Variants in USP19 observed in about 807,000 individuals in gnomAD.
USP19 encodes the protein ubiquitin specific peptidase 19.
Under a neutral mutation model 144.8 loss-of-function variants are expected in USP19, and 40 were observed. That is an observed-to-expected ratio of 0.28 (90% confidence interval 0.21 to 0.36). USP19 has a LOEUF of 0.36. USP19 is among the 10% of genes least tolerant of loss of function. USP19 has a pLI of 1.00. For synonymous variants in USP19, 701 were observed against 709.3 expected (o/e 0.99, Z 0.19); for missense variants, 1,518 against 1,822.5 (o/e 0.83, Z 3.04).
chr3:49,113,762 A>G (rs1306706174), intron 17 of USP19, among the ~76,000 whole-genome samples: 1 of 151,956 alleles, frequency 6.6e-6, no homozygotes, highest in Non-Finnish European at 1.5e-5. Flanking sequence ...ATGCCCAGCT[A>G]ATTTTATTTC....
At position 49,116,908 on chromosome 3, in the gene USP19, C is replaced by A; in HGVS notation, c.945G>T (p.Leu315=). The stretch of plus-strand genomic sequence containing the variant: ...AGCCCAGGAGGCAGGTTTGGGAGTT[C>A]AGCGGTGGTATGCAAAGCTGTTCAT... ...EADEQLCIPP[L]NSQTCLLGSE... is the part of the protein sequence containing the mutation. Residue 315 remains leucine, a synonymous_variant, in exon 7 of 27, where the codon CTG becomes CTT. Coordinates refer to ENST00000417901, the MANE Select transcript of USP19 (RefSeq NM_001199161.2). The surrounding 1 kb of genome is among the most constrained non-coding windows in gnomAD (Gnocchi z 5.0). 6.2e-7 allele frequency: 1 copy of A among 1,614,054 alleles called. No individual in the cohort carries two copies. The highest frequency in any genetic ancestry group is 1.7e-5 in the Admixed American group (1 of 60,022).
In USP19 at chr3:49,118,117, G is replaced by T; in HGVS notation, c.128C>A (p.Thr43Lys). The T allele has an allele frequency of 8.0e-7, 1 of 1,243,568 alleles. No homozygotes were observed. The highest frequency in any genetic ancestry group is 1.1e-6 in the Non-Finnish European group (1 of 890,684). The allele number at this position is 1,243,568 out of a possible 1,614,324, so 77.0% of individuals were successfully genotyped here. ...ESKDGDPRKE[T>K]GSRYVAQAGL... ...AGCCTGGGCAACATATCGAGACCCT[G>T]TCTCTAAAAAAAAAATAAGAAAAAT... The change falls in exon 3 of 27, where the codon ACA becomes AAA. Residue 43 changes from threonine (T) to lysine (K), a missense_variant. Physicochemically the swap from Thr to Lys is moderately conservative, Grantham distance 78. Transcript: ENST00000417901.
Position 49,117,067 on chromosome 3 carries a change from C to A in USP19, c.901G>T (p.Ala301Ser). 1 of 1,516,852 alleles carries A rather than the reference C, an allele frequency of 6.6e-7. No individual in the cohort carries two copies. Among genetic ancestry groups the A allele is most frequent in the South Asian group, 1.2e-5 (1 of 81,050 alleles). The allele number at this position is 1,516,852 out of a possible 1,614,324, so 94.0% of individuals were successfully genotyped here. Residue 301 changes from alanine (A) to serine (S), a missense_variant, in exon 6 of 27, where the codon GCC becomes TCC. This residue lies in a region of USP19 where 707 missense variants were observed against 728.9 expected (regional missense o/e 0.97). Transcript: ENST00000417901. The surrounding 1 kb of genome is among the most constrained non-coding windows in gnomAD (Gnocchi z 4.4). ...GDAPPFVADP[A>S]TQVEADEQLC... ...AGGTGCCCAGCTCTCACCTGGGTGG[C>A]TGGGTCAGCCACGAAGGGTGGGGCA...
At position 49,115,307 on chromosome 3, in the gene USP19, C is replaced by T. The variant is rs998900096; in HGVS notation, c.1943G>A (p.Arg648His). 1.9e-6 allele frequency: 3 copies of T among 1,614,058 alleles called. No homozygotes were observed. Among genetic ancestry groups the T allele is most frequent in the Admixed American group, 1.7e-5 (1 of 60,006 alleles). The stretch of plus-strand genomic sequence containing the variant: ...CAGCACGGCAAAGCCAATGGCCAGA[C>T]GCCCACCAGTCCCTAGTGGGTTGTT... ...NYNNPLGTGG[R>H]LAIGFAVLLR... is the part of the protein sequence containing the mutation. The change falls in exon 13 of 27, where the codon CGT (arginine) becomes CAT (histidine). Residue 648 changes from arginine to histidine, a missense_variant. By Grantham distance (29) the Arg-to-His change is conservative. Around this residue, in one of 5 missense-constraint regions of USP19, gnomAD observed 158 missense variants for 277.3 expected, o/e 0.57. Transcript: ENST00000417901. The surrounding 1 kb of genome is among the most constrained non-coding windows in gnomAD (Gnocchi z 6.6).
At position 49,119,095 on chromosome 3, in the gene USP19, C is replaced by G. The variant is rs748519807; in HGVS notation, c.51G>C (p.Leu17=). ...ATGPRRGPPG[L]EDTTSKKKQK... is the part of the protein sequence containing the mutation. ...GCTTCTTCTTACTAGTGGTGTCCTC[C>G]AGTCCTGGGGGCCCTCTCCTTGGGC... Residue 17 remains leucine (L), a synonymous_variant, in exon 2 of 27, where the codon CTG becomes CTC. Coordinates refer to ENST00000417901, the MANE Select transcript of USP19 (RefSeq NM_001199161.2). The G allele has an allele frequency of 6.2e-7, 1 of 1,614,116 alleles. No individual in the cohort carries two copies. Among genetic ancestry groups the G allele is most frequent in the South Asian group, 1.1e-5 (1 of 91,078 alleles).
rs746885801 is a variant in USP19, at chr3:49,114,896, C to T, written c.2182-23G>A. 6.2e-6 allele frequency: 10 copies of T among 1,614,174 alleles called. No homozygotes were observed. The highest frequency in any genetic ancestry group is 6.8e-6 in the Non-Finnish European group (8 of 1,180,026). On this transcript the variant is annotated intron_variant, in intron 14 of 26. Coordinates refer to ENST00000417901, the MANE Select transcript of USP19 (RefSeq NM_001199161.2). The surrounding 1 kb of genome is among the most constrained non-coding windows in gnomAD (Gnocchi z 4.5). ...CACCTGAGAGGCAGAGTGGTGAGAA[C>T]CAAAGAGTACCAGGGGCTGGGATGC... is the stretch of plus-strand genomic sequence containing the variant.
rs1024146343 is a variant in USP19 at position 49,115,298 on chromosome 3, A to G, written c.1952T>C (p.Ile651Thr). ...NPLGTGGRLA[I>T]GFAVLLRALW... ...CGCCCGAAGCAGCACGGCAAAGCCA[A>G]TGGCCAGACGCCCACCAGTCCCTAG... The change falls in exon 13 of 27, where the codon ATT becomes ACT. Residue 651 changes from isoleucine (I) to threonine (T), a missense_variant. This residue lies in a region of USP19 where 158 missense variants were observed against 277.3 expected (regional missense o/e 0.57). Coordinates refer to ENST00000417901, the MANE Select transcript of USP19 (RefSeq NM_001199161.2). This position sits in a 1 kb window ranked among gnomAD's most constrained non-coding sequence, Gnocchi z 6.6. 1 of 1,614,042 alleles carries G rather than the reference A, an allele frequency of 6.2e-7. No homozygotes were observed. The highest frequency in any genetic ancestry group is 8.5e-7 in the Non-Finnish European group (1 of 1,180,042).
At chr3:49,120,144 G>C (rs932663522) in intron 1 of USP19, among the ~76,000 whole-genome samples, 1 of 152,186 alleles carries the variant, frequency 6.6e-6, no homozygotes, top group Non-Finnish European at 1.5e-5. Flanking sequence ...ACTAGATACT[G>C]AGATGAGGCT....
Position 49,108,365 on chromosome 3 carries a change from C to A in USP19, c.*47G>T. On this transcript the variant is annotated 3_prime_UTR_variant, in exon 27 of 27. Transcript: ENST00000417901. This position sits in a 1 kb window ranked among gnomAD's most constrained non-coding sequence, Gnocchi z 4.8. ...GGAGAAGCGGCAAGGAGCTGGCCCT[C>A]TGTGTGGGTGTCCCAAACCCAGTCC... 2.8e-6 allele frequency: 2 copies of A among 714,116 alleles called. No individual in the cohort carries two copies. Among genetic ancestry groups the A allele is most frequent in the South Asian group, 2.2e-5 (1 of 44,586 alleles). The allele number at this position is 714,116 out of a possible 1,614,324, so 44.2% of individuals were successfully genotyped here.
In USP19 at chr3:49,117,295, A is replaced by G. The variant is rs1448511201; in HGVS notation, c.673T>C (p.Ser225Pro). The change falls in exon 6 of 27, where the codon TCT becomes CCT. Residue 225 changes from serine (S) to proline (P), a missense_variant. This residue lies in a region of USP19 where 707 missense variants were observed against 728.9 expected (regional missense o/e 0.97). Transcript: ENST00000417901. This position sits in a 1 kb window ranked among gnomAD's most constrained non-coding sequence, Gnocchi z 4.4. ...GGGCCTGGCTCCAGGGCAATGGGAGACAGTTCCTGCCCATTCTCCTGGCAC... is the reference window on the plus strand; with the variant it reads ...GGGCCTGGCTCCAGGGCAATGGGAGGCAGTTCCTGCCCATTCTCCTGGCAC... The part of the protein sequence containing the change: ...LRCQENGQEL[S>P]PIALEPGPEP... 2 of 1,580,932 alleles carry G rather than the reference A, an allele frequency of 1.3e-6. No homozygotes were observed. Among genetic ancestry groups the G allele is most frequent in the Admixed American group, 3.6e-5 (2 of 55,766 alleles).
In USP19 at chr3:49,111,480, A is replaced by G; in HGVS notation, c.3217+20T>C. 1.2e-6 allele frequency: 2 copies of G among 1,611,668 alleles called. No homozygotes were observed. The highest frequency in any genetic ancestry group is 1.7e-6 in the Non-Finnish European group (2 of 1,179,550). ...CCTTATCCTCCTCCCCAGCTTCTAGAGCCTTTCACTGGATCTTACCTTCGG... is the reference window on the plus strand; with the variant it reads ...CCTTATCCTCCTCCCCAGCTTCTAGGGCCTTTCACTGGATCTTACCTTCGG... On this transcript the variant is annotated intron_variant, in intron 21 of 26. Coordinates refer to ENST00000417901, the MANE Select transcript of USP19 (RefSeq NM_001199161.2). This position sits in a 1 kb window ranked among gnomAD's most constrained non-coding sequence, Gnocchi z 5.9.
In USP19 at chr3:49,112,219, G is replaced by C; in HGVS notation, c.2765+65C>G. The C allele has an allele frequency of 6.4e-7, 1 of 1,559,292 alleles. No homozygotes were observed. Among genetic ancestry groups the C allele is most frequent in the Non-Finnish European group, 8.7e-7 (1 of 1,151,594 alleles). ...TAAGCATATGTGCCTTGGTGTGAAG[G>C]GAAGGAGCAGGGTGGCACATGGAAG... is the stretch of plus-strand genomic sequence containing the variant. On this transcript the variant is annotated intron_variant, in intron 19 of 26. Transcript: ENST00000417901. This position sits in a 1 kb window ranked among gnomAD's most constrained non-coding sequence, Gnocchi z 4.9.
Position 49,108,442 on chromosome 3 carries a change from G to A in USP19, c.4125C>T (p.Pro1375=). ...CCACCTCCTCCATGTTGCTGTAGGTGGGGGCTGGCCGATCCACAGGGGGGG... is the reference window on the plus strand; with the variant it reads ...CCACCTCCTCCATGTTGCTGTAGGTAGGGGCTGGCCGATCCACAGGGGGGG... ...RFAPPVDRPA[P]TYSNMEEVD Residue 1375 remains proline, a synonymous_variant, in exon 27 of 27, where the codon CCC becomes CCT. Coordinates refer to ENST00000417901, the MANE Select transcript of USP19 (RefSeq NM_001199161.2). The surrounding 1 kb of genome is among the most constrained non-coding windows in gnomAD (Gnocchi z 4.8). The A allele has an allele frequency of 4.3e-6, 6 of 1,382,116 alleles. No individual in the cohort carries two copies. The highest frequency in any genetic ancestry group is 4.7e-6 in the Non-Finnish European group (5 of 1,055,080). The allele number at this position is 1,382,116 out of a possible 1,614,324, so 85.6% of individuals were successfully genotyped here.
chr3:49,117,339 T>A lies in USP19; in HGVS notation c.629A>T (p.Glu210Val), dbSNP rs1369147330. ...SLLKKPLGTQ[E>V]LVPGLRCQEN... ...CTGGCACCGCAGCCCCGGCACCAGC[T>A]CCTGGGTCCCTAGAGGTTTCTTCTG... Residue 210 changes from glutamate (E) to valine (V), a missense_variant, in exon 6 of 27, where the codon GAG (glutamate) becomes GTG (valine). Physicochemically the swap from Glu to Val is moderately radical, Grantham distance 121. This residue lies in a region of USP19 where 707 missense variants were observed against 728.9 expected (regional missense o/e 0.97). Coordinates refer to ENST00000417901, the MANE Select transcript of USP19 (RefSeq NM_001199161.2). This position sits in a 1 kb window ranked among gnomAD's most constrained non-coding sequence, Gnocchi z 4.4. The A allele has an allele frequency of 1.3e-6, 2 of 1,589,852 alleles. No individual in the cohort carries two copies. The highest frequency in any genetic ancestry group is 2.7e-5 in the African/African-American group (2 of 74,010).
Position 49,108,721 on chromosome 3 carries a change from AG to A in USP19, c.4039-194del. 1 of 1,354,874 alleles carries A rather than the reference AG, an allele frequency of 7.4e-7. No homozygotes were observed. Among genetic ancestry groups the A allele is most frequent in the South Asian group, 2.0e-5 (1 of 50,518 alleles). 83.9% of individuals were successfully genotyped at this position (1,354,874 alleles called of 1,614,324 possible). The stretch of plus-strand genomic sequence containing the variant: ...ATTAACACTTTTAAGTACAGGAAGT[AG>A]CTTGGGCAGGGCCAAGCCTGAGGCC... On this transcript the variant is annotated intron_variant, in intron 26 of 26. Coordinates refer to ENST00000417901, the MANE Select transcript of USP19 (RefSeq NM_001199161.2). This position sits in a 1 kb window ranked among gnomAD's most constrained non-coding sequence, Gnocchi z 4.8.
In USP19 at chr3:49,111,858, C is replaced by G. The variant is rs2043201928; in HGVS notation, c.2904-45G>C. 6.2e-7 allele frequency: 1 copy of G among 1,603,206 alleles called. No individual in the cohort carries two copies. Among genetic ancestry groups the G allele is most frequent in the Non-Finnish European group, 8.5e-7 (1 of 1,173,574 alleles). On this transcript the variant is annotated intron_variant, in intron 20 of 26. Coordinates refer to ENST00000417901, the MANE Select transcript of USP19 (RefSeq NM_001199161.2). The surrounding 1 kb of genome is among the most constrained non-coding windows in gnomAD (Gnocchi z 5.9). Reference sequence around the variant, plus strand: ...CAAGTAAGACTCCTGACCAGCCCATCTAGCACCTCTGCCCCCACCTACACC... The same window carrying G: ...CAAGTAAGACTCCTGACCAGCCCATGTAGCACCTCTGCCCCCACCTACACC...
At position 49,108,875 on chromosome 3, in the gene USP19, C is replaced by G; in HGVS notation, c.4039-347G>C. On this transcript the variant is annotated intron_variant, in intron 26 of 26. Coordinates refer to ENST00000417901, the MANE Select transcript of USP19 (RefSeq NM_001199161.2). The surrounding 1 kb of genome is among the most constrained non-coding windows in gnomAD (Gnocchi z 4.8). The stretch of plus-strand genomic sequence containing the variant: ...AGATGCATAAGCTGAGGCCCAAAGC[C>G]CAGAGGTGTTCCCCACAACAAAGGC... The G allele has an allele frequency of 6.6e-7, 1 of 1,505,334 alleles. No individual in the cohort carries two copies. Among genetic ancestry groups the G allele is most frequent in the African/African-American group, 1.4e-5 (1 of 71,778 alleles). 93.2% of individuals were successfully genotyped at this position (1,505,334 alleles called of 1,614,324 possible). A position where few individuals can be genotyped will look rare whatever the true frequency, so the allele number is the denominator to read the frequency against.
Position 49,114,708 on chromosome 3 carries a change from G to T in USP19, c.2292+55C>A. 3 of 1,584,188 alleles carry T rather than the reference G, an allele frequency of 1.9e-6. No individual in the cohort carries two copies. The South Asian group carries it at 3.3e-5, about 18-fold the overall frequency. On this transcript the variant is annotated intron_variant, in intron 15 of 26. Coordinates refer to ENST00000417901, the MANE Select transcript of USP19 (RefSeq NM_001199161.2). This position sits in a 1 kb window ranked among gnomAD's most constrained non-coding sequence, Gnocchi z 4.5. The stretch of plus-strand genomic sequence containing the variant: ...ATGCACATGCCTCTGAACCTAATGT[G>T]ACCAGAATAGCTGAGCTGAACTAGG...
At position 49,115,277 on chromosome 3, in the gene USP19, C is replaced by T. The variant is rs1362843639; in HGVS notation, c.1973G>A (p.Arg658Gln). Residue 658 changes from arginine (R) to glutamine (Q), a missense_variant, in exon 13 of 27, where the codon CGG becomes CAG. By Grantham distance (43) the Arg-to-Gln change is conservative (BLOSUM62 1). Around this residue, in one of 5 missense-constraint regions of USP19, gnomAD observed 158 missense variants for 277.3 expected, o/e 0.57. Coordinates refer to ENST00000417901, the MANE Select transcript of USP19 (RefSeq NM_001199161.2). This position sits in a 1 kb window ranked among gnomAD's most constrained non-coding sequence, Gnocchi z 6.6. The stretch of plus-strand genomic sequence containing the variant: ...ATGGTGGGTGCCCTTCCACAGCGCC[C>T]GAAGCAGCACGGCAAAGCCAATGGC... ...RLAIGFAVLL[R>Q]ALWKGTHHAF... 8.1e-6 allele frequency: 13 copies of T among 1,614,084 alleles called. No individual in the cohort carries two copies. Among genetic ancestry groups the T allele is most frequent in the South Asian group, 3.3e-5 (3 of 91,082 alleles).
Sources: gnomAD v4.1 joint callset for allele counts (sites outside exome capture counted in the v4.1 genomes callset) on GRCh38, gnomAD v4.1.1 for gene constraint, gnomAD v4.1.1 regional missense constraint, Gnocchi (gnomAD v3.1) non-coding constraint, MANE v1.5 for transcripts, NCBI Gene and HGNC (gene_info 2026-07-23, HGNC 2026-07-21) for gene names.